The following TENM4 variants were observed in gnomAD, a reference collection of about 807,000 sequenced individuals.
TENM4 encodes the protein teneurin transmembrane protein 4.
A neutral mutation model predicts 243.3 loss-of-function variants in TENM4; 82 were observed. That is an observed-to-expected ratio of 0.34 (90% CI 0.28 to 0.40). The LOEUF is 0.40. Among genes scored for constraint, TENM4 ranks in the 10% least tolerant of loss-of-function variants. The pLI is 1.00. For synonymous variants in TENM4, 1,412 were observed against 1,456.3 expected (o/e 0.97, Z 0.69); for missense variants, 3,138 against 3,673.3 (o/e 0.85, Z 3.77).
chr11:79,029,315 C>T (rs377463945), intron 6 of TENM4, among the ~76,000 whole-genome samples: 49 of 152,284 alleles, frequency 3.2e-4, no homozygotes, highest in African/African-American at 1.2e-3. Flanking sequence ...TTCCCCTGGC[C>T]TCCTCCGCCT....
At chr11:79,275,102 A>C (rs1856030821) in intron 2 of TENM4, among the ~76,000 whole-genome samples, 1 of 152,196 alleles carries the variant, frequency 6.6e-6, no homozygotes, top group African/African-American at 2.4e-5. Flanking sequence ...TGACAGACTG[A>C]ATAATCTCCT....
intron 30 of TENM4, among the ~76,000 whole-genome samples, chr11:78,672,608 G>A (rs1218359271): frequency 6.6e-6 from 1 of 152,200 alleles, no homozygotes; most frequent in Non-Finnish European, 1.5e-5. Context: ...TGTGACCAAA[G>A]AGGATCTGCA....
At chr11:79,349,733 T>C (rs1267727526) in intron 1 of TENM4, among the ~76,000 whole-genome samples, 3 of 152,168 alleles carry the variant, frequency 2.0e-5, no homozygotes, top group Admixed American at 1.3e-4. Context: ...GGGACTTGTT[T>C]TGAGTGGCCA....
intron 3 of TENM4, among the ~76,000 whole-genome samples, chr11:79,188,479 A>T (rs1829903922): frequency 6.6e-6 from 1 of 151,854 alleles, no homozygotes; most frequent in African/African-American, 2.4e-5. Context: ...CCTAGTAGAG[A>T]GGAGATGATG....
chr11:78,943,133 G>A (rs1856939190), intron 6 of TENM4, among the ~76,000 whole-genome samples: 1 of 152,198 alleles, frequency 6.6e-6, no homozygotes, highest in Non-Finnish European at 1.5e-5. Context: ...TAATGAATGT[G>A]CACCTTTGAG....
At chr11:78,708,792 C>G (rs1380692053) in intron 26 of TENM4, among the ~76,000 whole-genome samples, 1 of 152,112 alleles carries the variant, frequency 6.6e-6, no homozygotes, top group East Asian at 1.9e-4. Context: ...TAGCCATCCA[C>G]TAAACCTGGA....
At chr11:79,338,294 T>C (rs767442412) in intron 1 of TENM4, among the ~76,000 whole-genome samples, 6 of 152,240 alleles carry the variant, frequency 3.9e-5, no homozygotes, top group Admixed American at 2.0e-4. Context: ...AGATTCCAGA[T>C]TCTAGTGGGG....
intron 1 of TENM4, among the ~76,000 whole-genome samples, chr11:79,401,044 T>TTC (rs1263879698): frequency 6.6e-6 from 1 of 152,158 alleles, no homozygotes; most frequent in Non-Finnish European, 1.5e-5. Flanking sequence ...AAATTCAAAC[T>TTC]ACCGAGTGAA....
At chr11:78,929,082 C>G (rs1856615012) in intron 6 of TENM4, among the ~76,000 whole-genome samples, 1 of 152,176 alleles carries the variant, frequency 6.6e-6, no homozygotes, top group Admixed American at 6.5e-5. Context: ...GGGCAGCTCA[C>G]CATGCAGAGA....
intron 2 of TENM4, among the ~76,000 whole-genome samples, chr11:79,273,603 A>G (rs1856004520): frequency 6.6e-6 from 1 of 152,158 alleles, no homozygotes; most frequent in South Asian, 2.1e-4. Context: ...AGCTAGTTCA[A>G]AGAGGTTAAG....
chr11:78,888,721 C>T (rs1855598806), intron 9 of TENM4, among the ~76,000 whole-genome samples: 1 of 152,214 alleles, frequency 6.6e-6, no homozygotes, highest in Non-Finnish European at 1.5e-5. Flanking sequence ...GCAGCACTGT[C>T]TTTTTTGGCC....
At position 78,708,963 on chromosome 11, in the gene TENM4, T is replaced by C. The variant is rs56377411; in HGVS notation, c.4055-448A>G. On this transcript the variant is annotated intron_variant, in intron 26 of 33. Transcript: ENST00000278550. ...GTAACCATTTTTCTTTTCTTTCTTTTTCTTTCTTTTTTTTTTTTTTTAAAA... is the reference window on the plus strand; with the variant it reads ...GTAACCATTTTTCTTTTCTTTCTTTCTCTTTCTTTTTTTTTTTTTTTAAAA... Among the ~76,000 whole-genome samples the C allele has an allele frequency of 1.0e-3, 121 of 120,258 alleles. 1 individual carries two copies. The highest frequency in any genetic ancestry group is 5.4e-3 in the Admixed American group (68 of 12,640). The allele number at this position is 120,258 out of a possible 152,430, so 78.9% of individuals were successfully genotyped here.
At chr11:79,004,313 C>T (rs1858414840) in intron 6 of TENM4, among the ~76,000 whole-genome samples, 1 of 152,078 alleles carries the variant, frequency 6.6e-6, no homozygotes, top group Admixed American at 6.5e-5. Flanking sequence ...CTACAGAACT[C>T]TCCACCCCAA....
At chr11:79,152,132 G>A (rs553367456) in intron 3 of TENM4, among the ~76,000 whole-genome samples, 14 of 152,230 alleles carry the variant, frequency 9.2e-5, no homozygotes, top group South Asian at 4.1e-4. Context: ...GAAAAGAAAC[G>A]CAATGTGTCC....
intron 2 of TENM4, among the ~76,000 whole-genome samples, chr11:79,260,630 T>C (rs766734479): frequency 1.1e-4 from 16 of 152,150 alleles, no homozygotes; most frequent in Non-Finnish European, 1.9e-4. Context: ...CAGTATGCGG[T>C]AGAGGGACTC....
chr11:79,307,956 G>C (rs545773594), intron 1 of TENM4, among the ~76,000 whole-genome samples: 2 of 152,322 alleles, frequency 1.3e-5, no homozygotes, highest in South Asian at 2.1e-4. Context: ...ACCCCATCCT[G>C]GGCTTCTCAG....
Position 79,064,612 on chromosome 11 carries a change from C to A in TENM4, c.493+126G>T. 3 of 1,303,272 alleles carry A rather than the reference C, an allele frequency of 2.3e-6. No individual in the cohort carries two copies. In the South Asian group the frequency reaches 4.4e-5, roughly 19 times the overall value. The allele number at this position is 1,303,272 out of a possible 1,614,324, so 80.7% of individuals were successfully genotyped here. On this transcript the variant is annotated intron_variant, in intron 6 of 33. Transcript: ENST00000278550. ...TCCAAGAGACTCTGACATTTGACCC[C>A]TGAGAGTAAAGCAATTTTTCACCAA... is the stretch of plus-strand genomic sequence containing the variant.
chr11:78,724,955 A>G (rs757671056), intron 23 of TENM4, among the ~76,000 whole-genome samples: 1 of 152,250 alleles, frequency 6.6e-6, no homozygotes, highest in South Asian at 2.1e-4. Context: ...CCTGGGTCTC[A>G]GACCCTGCAG....
intron 6 of TENM4, among the ~76,000 whole-genome samples, chr11:79,001,988 CCT>C (rs1348308862): frequency 2.0e-5 from 3 of 152,194 alleles, no homozygotes; most frequent in Admixed American, 6.5e-5. Context: ...CCCCATCTCC[CCT>C]GCTTTTCTGG....
Sources: gnomAD v4.1 joint callset for allele counts (sites outside exome capture counted in the v4.1 genomes callset) on GRCh38, gnomAD v4.1.1 for gene constraint, MANE v1.5 for transcripts, NCBI Gene and HGNC (gene_info 2026-07-23, HGNC 2026-07-21) for gene names.